NINJ2: variants seen among roughly 807,000 people sequenced by gnomAD.
NINJ2 encodes ninjurin 2.
A neutral mutation model predicts 11.7 loss-of-function variants in NINJ2; 12 were observed. That is an observed-to-expected ratio of 1.02 (90% CI 0.66 to 1.66). The LOEUF (loss-of-function observed/expected upper bound fraction) is 1.66, where lower values mean the gene tolerates loss of function less well. Among genes scored for constraint, NINJ2 ranks in the 40% most tolerant of loss-of-function variants. The pLI, the probability that NINJ2 is intolerant of heterozygous loss-of-function variation, is 0.00. For synonymous variants in NINJ2, 93 were observed against 76.8 expected, an observed-to-expected ratio of 1.21 and a Z score of -1.10; for missense variants, 187 against 181.8, an observed-to-expected ratio of 1.03 and a Z score of -0.16.
chr12:649,085 C>T (rs994024330), intron 1 of NINJ2, among the ~76,000 whole-genome samples: 23 of 150,516 alleles, frequency 1.5e-4, no homozygotes, highest in Non-Finnish European at 2.4e-4. Context: ...GAGTCTCTGT[C>T]GCCCAGGCTG....
chr12:569,348 C>A (rs1947346395), intron 1 of NINJ2, among the ~76,000 whole-genome samples: 1 of 152,220 alleles, frequency 6.6e-6, no homozygotes, highest in South Asian at 2.1e-4. Context: ...TGTCCTCGGT[C>A]TCCAAGAGCA....
intron 1 of NINJ2, among the ~76,000 whole-genome samples, chr12:635,423 C>G (rs1348629025): frequency 6.6e-6 from 1 of 152,160 alleles, no homozygotes; most frequent in African/African-American, 2.4e-5. Flanking sequence ...CAAAATAAAC[C>G]CTTGCCTATA....
At chr12:635,683 T>C (rs1948343314) in intron 1 of NINJ2, among the ~76,000 whole-genome samples, 2 of 152,214 alleles carry the variant, frequency 1.3e-5, no homozygotes, top group Admixed American at 6.5e-5. Context: ...CAATGATTTC[T>C]AGAATATGAC....
At chr12:663,234 G>T in intron 1 of NINJ2, 94 bp downstream of exon 1, 1 of 1,123,316 alleles carries the variant, frequency 8.9e-7, no homozygotes, top group Non-Finnish European at 1.3e-6. Context: ...AACGGGGAGG[G>T]AGAATATCAA....
chr12:648,030 AC>A (rs1170488537), intron 1 of NINJ2, among the ~76,000 whole-genome samples: 2 of 152,066 alleles, frequency 1.3e-5, no homozygotes, highest in Admixed American at 1.3e-4. Context: ...TGTTTGAAAG[AC>A]CCTTTCACGG....
At position 614,145 on chromosome 12, in the gene NINJ2, C is replaced by G. The variant is rs569247992; in HGVS notation, c.34-47967G>C. The stretch of plus-strand genomic sequence containing the variant: ...GAACAGTCTCTTACACGATGTCCTA[C>G]TGCCTCCTAAAGAAGACCATCCTTA... On this transcript the variant is annotated intron_variant, in intron 1 of 3. Transcript: ENST00000305108. This position sits in a 1 kb window ranked among gnomAD's most constrained non-coding sequence, Gnocchi z 5.1. Among the ~76,000 whole-genome samples, 86 of 152,270 alleles carry G rather than the reference C, an allele frequency of 5.6e-4. No homozygotes were observed. The South Asian group carries it at 0.017, about 31-fold the overall frequency.
At chr12:576,660 C>G (rs936539921) in intron 1 of NINJ2, among the ~76,000 whole-genome samples, 2 of 152,218 alleles carry the variant, frequency 1.3e-5, no homozygotes, top group Admixed American at 6.5e-5. Context: ...CCCCGGCCTC[C>G]GTGCTCTTTC....
chr12:604,632 A>G (rs557543144), intron 1 of NINJ2, among the ~76,000 whole-genome samples: 1 of 152,108 alleles, frequency 6.6e-6, no homozygotes. Flanking sequence ...AGCGAGACTC[A>G]GTCCCAACAA....
intron 1 of NINJ2, among the ~76,000 whole-genome samples, chr12:582,223 G>A (rs945459481): frequency 4.6e-5 from 7 of 152,260 alleles, no homozygotes; most frequent in Admixed American, 2.0e-4. Flanking sequence ...GGCTGGGAGC[G>A]TGTGCTCAGG....
intron 1 of NINJ2, among the ~76,000 whole-genome samples, chr12:611,245 T>TTC (rs746399101): frequency 2.7e-5 from 3 of 113,104 alleles, no homozygotes; most frequent in East Asian, 4.8e-4. Flanking sequence ...CTTTCTTTCT[T>TTC]TCTCTCTCTC....
At position 566,024 on chromosome 12, in the gene NINJ2, T is replaced by G. The variant is rs1383654176; in HGVS notation, c.188A>C (p.Tyr63Ser). The part of the protein sequence containing the change: ...VLEQGPSSHY[Y>S]TTLVTLISLS... The stretch of plus-strand genomic sequence containing the variant: ...GCTGATGAGGGTGACCAGGGTGGTG[T>G]AGTAGTGAGAGGATGGTCCCTGCTC... Residue 63 changes from tyrosine (Y) to serine (S), a missense_variant, in exon 2 of 4, where the codon TAC (tyrosine) becomes TCC (serine). By Grantham distance (144) the Tyr-to-Ser change is moderately radical. Transcript: ENST00000305108. 6.2e-7 allele frequency: 1 copy of G among 1,613,936 alleles called. No homozygotes were observed. Among genetic ancestry groups the G allele is most frequent in the Non-Finnish European group, 8.5e-7 (1 of 1,179,968 alleles).
At chr12:649,733 T>G (rs1372183070) in intron 1 of NINJ2, among the ~76,000 whole-genome samples, 1 of 151,930 alleles carries the variant, frequency 6.6e-6, no homozygotes, top group Non-Finnish European at 1.5e-5. Flanking sequence ...AAACCCATAA[T>G]CCAGAAATAA....
chr12:604,612 T>C lies in NINJ2; in HGVS notation c.34-38434A>G, dbSNP rs1947915201. Among the ~76,000 whole-genome samples, 3 of 152,078 alleles carry C rather than the reference T, an allele frequency of 2.0e-5. No individual in the cohort carries two copies. In the South Asian group the frequency reaches 6.2e-4, roughly 32 times the overall value. On this transcript the variant is annotated intron_variant, in intron 1 of 3. Coordinates refer to ENST00000305108, the MANE Select transcript of NINJ2 (RefSeq NM_016533.6). ...GAGATGGCGCCACTGCTCTCCAGCC[T>C]GGGCGACAGAGCGAGACTCAGTCCC...
chr12:611,875 T>A (rs1948037498), intron 1 of NINJ2, among the ~76,000 whole-genome samples: 1 of 152,254 alleles, frequency 6.6e-6, no homozygotes, highest in African/African-American at 2.4e-5. Flanking sequence ...CAATATCTAT[T>A]TGACCTTCTT....
intron 1 of NINJ2, chr12:632,168 A>T (rs750036865): frequency 7.2e-5 from 11 of 152,174 alleles, no homozygotes; most frequent in Non-Finnish European, 1.6e-4. Flanking sequence ...CGGGCTCAGG[A>T]TATGGAAAAA....
chr12:662,951 T>A (rs1162856658), intron 1 of NINJ2, among the ~76,000 whole-genome samples: 1 of 76,830 alleles, frequency 1.3e-5, no homozygotes, highest in Non-Finnish European at 2.6e-5. Context: ...TCAAAACTCA[T>A]ATATTTCCTG....
chr12:621,558 C>T (rs903886752), intron 1 of NINJ2, among the ~76,000 whole-genome samples: 6 of 152,038 alleles, frequency 3.9e-5, no homozygotes, highest in Non-Finnish European at 7.4e-5. Flanking sequence ...CAGTGGTTCA[C>T]AACTGTAATC....
At chr12:603,713 T>A (rs1947902218) in intron 1 of NINJ2, among the ~76,000 whole-genome samples, 1 of 151,624 alleles carries the variant, frequency 6.6e-6, no homozygotes, top group Non-Finnish European at 1.5e-5. Flanking sequence ...CAGGCTGGAG[T>A]ATAGTGGTGC....
chr12:638,662 G>T (rs1043412001), intron 1 of NINJ2, among the ~76,000 whole-genome samples: 1 of 152,200 alleles, frequency 6.6e-6, no homozygotes, highest in Non-Finnish European at 1.5e-5. Flanking sequence ...TGATCCGCCC[G>T]CCTCGGCCTC....
Sources: allele counts gnomAD v4.1 joint callset (sites outside exome capture counted in the v4.1 genomes callset), GRCh38; gene constraint gnomAD v4.1.1; non-coding constraint Gnocchi (gnomAD v3.1); transcripts MANE v1.5; gene names NCBI Gene and HGNC (gene_info 2026-07-23, HGNC 2026-07-21).